CA10: variants seen among roughly 807,000 people sequenced by gnomAD.
The protein encoded by CA10 is carbonic anhydrase 10 (inactive).
CA10 carries 14 observed loss-of-function variants against 44.2 expected under a neutral mutation model. That is an observed-to-expected ratio of 0.32 (90% confidence interval 0.21 to 0.50). The LOEUF (loss-of-function observed/expected upper bound fraction) is 0.50, where lower values mean the gene tolerates loss of function less well. Ranked by LOEUF, CA10 falls within the 20% of genes least tolerant of loss-of-function variation. The pLI, the probability that CA10 is intolerant of heterozygous loss-of-function variation, is 0.99. For missense variants in CA10, 350 were observed against 409.7 expected (o/e 0.85, Z 1.26); for synonymous variants, 159 against 141.6 (o/e 1.12, Z -0.87).
At chr17:52,153,248 C>T (rs1989740276) in intron 1 of CA10, among the ~76,000 whole-genome samples, 2 of 152,100 alleles carry the variant, frequency 1.3e-5, no homozygotes, top group African/African-American at 2.4e-5. Flanking sequence ...GGCTATATGA[C>T]ATCACATGGG....
chr17:52,053,663 A>T (rs1987140605), intron 2 of CA10, among the ~76,000 whole-genome samples: 1 of 152,118 alleles, frequency 6.6e-6, no homozygotes, highest in Non-Finnish European at 1.5e-5. Flanking sequence ...AAAGGCAGAG[A>T]TAGAAATTGA....
At chr17:51,706,767 G>A (rs547833880) in intron 4 of CA10, among the ~76,000 whole-genome samples, 2 of 152,238 alleles carry the variant, frequency 1.3e-5, no homozygotes, top group South Asian at 4.2e-4. Flanking sequence ...TAACACATAG[G>A]TTCCAGCTAC....
intron 2 of CA10, among the ~76,000 whole-genome samples, chr17:52,046,391 A>T (rs1392441641): frequency 6.6e-6 from 1 of 151,770 alleles, no homozygotes; most frequent in Non-Finnish European, 1.5e-5. Flanking sequence ...GGAATTTATC[A>T]CTAAGATTCT....
chr17:52,045,659 T>C lies in CA10; in HGVS notation c.136+26660A>G, dbSNP rs116177830. The stretch of plus-strand genomic sequence containing the variant: ...GAAATATGCAAATCCACAAGGATAA[T>C]TGGAGATTTCAACACACCTCATTAA... On this transcript the variant is annotated intron_variant, in intron 2 of 8. Transcript: ENST00000451037. Among the ~76,000 whole-genome samples, 1,422 of 152,066 alleles carry C rather than the reference T, an allele frequency of 9.4e-3. 22 individuals are homozygous for C. Among genetic ancestry groups the C allele is most frequent in the African/African-American group, 0.032 (1,343 of 41,546 alleles).
chr17:52,108,206 A>ATATATATATTT (rs1555566996), intron 1 of CA10, among the ~76,000 whole-genome samples: 3 of 32,942 alleles, frequency 9.1e-5, no homozygotes, highest in African/African-American at 3.4e-4. Flanking sequence ...ATATATATAT[A>ATATATATATTT]TATATATATA....
intron 3 of CA10, among the ~76,000 whole-genome samples, chr17:51,862,632 C>T (rs1226699732): frequency 4.6e-5 from 7 of 152,188 alleles, no homozygotes; most frequent in Non-Finnish European, 7.4e-5. Flanking sequence ...ATACCATAGA[C>T]TGAGTGGTTT....
chr17:51,853,872 T>C (rs1978917008), intron 3 of CA10, among the ~76,000 whole-genome samples: 1 of 152,174 alleles, frequency 6.6e-6, no homozygotes, highest in Non-Finnish European at 1.5e-5. Context: ...TCTGCCATGA[T>C]TGTAAGTTTC....
intron 3 of CA10, among the ~76,000 whole-genome samples, chr17:51,873,544 G>A (rs898723856): frequency 6.6e-6 from 1 of 152,116 alleles, no homozygotes; most frequent in Admixed American, 6.5e-5. Flanking sequence ...CCAATACAAC[G>A]TACTTGTTTG....
chr17:52,054,418 C>T (rs771955615), intron 2 of CA10, among the ~76,000 whole-genome samples: 3 of 152,086 alleles, frequency 2.0e-5, no homozygotes, highest in Admixed American at 1.3e-4. Flanking sequence ...TTATCAATGA[C>T]AATGCGTGCC....
At chr17:51,847,858 G>A (rs1322979185) in intron 3 of CA10, among the ~76,000 whole-genome samples, 1 of 152,150 alleles carries the variant, frequency 6.6e-6, no homozygotes, top group Admixed American at 6.5e-5. Flanking sequence ...CCTGAGACTT[G>A]TCTCCTCAAG....
intron 2 of CA10, among the ~76,000 whole-genome samples, chr17:52,006,797 T>C (rs938044253): frequency 1.1e-4 from 17 of 151,772 alleles, no homozygotes; most frequent in African/African-American, 2.2e-4. Flanking sequence ...AAAAATGTCA[T>C]TGTGATTCTT....
At chr17:52,154,779 T>C (rs1989770470) in intron 1 of CA10, among the ~76,000 whole-genome samples, 1 of 152,204 alleles carries the variant, frequency 6.6e-6, no homozygotes. Context: ...ATCTCACAAA[T>C]AAAAGACATA....
chr17:51,885,690 C>T (rs1434443845), intron 3 of CA10, among the ~76,000 whole-genome samples: 1 of 152,202 alleles, frequency 6.6e-6, no homozygotes, highest in East Asian at 1.9e-4. Context: ...CATGACAACA[C>T]AAATCTTCTC....
intron 3 of CA10, chr17:51,748,320 C>G: frequency 4.9e-6 from 1 of 205,942 alleles, no homozygotes; most frequent in Non-Finnish European, 8.6e-6. Flanking sequence ...CTGGTGTGTC[C>G]TGCCCTGCAA....
intron 3 of CA10, among the ~76,000 whole-genome samples, chr17:51,779,463 TG>T (rs1323966655): frequency 6.6e-6 from 1 of 152,234 alleles, no homozygotes; most frequent in East Asian, 1.9e-4. Context: ...GCTGGAAAAT[TG>T]GGGGAAAATA....
At position 51,847,518 on chromosome 17, in the gene CA10, G is replaced by A. The variant is rs561825850; in HGVS notation, c.279+83472C>T. On this transcript the variant is annotated intron_variant, in intron 3 of 8. Coordinates refer to ENST00000451037, the MANE Select transcript of CA10 (RefSeq NM_020178.5). ...TGGTCACTTGGGATATGATAATAAC[G>A]CATATCATCTAATTCCAAAATGCAC... 1.3e-3 allele frequency among the ~76,000 whole-genome samples: 194 copies of A among 152,154 alleles called. 1 individual carries two copies. Among genetic ancestry groups the A allele is most frequent in the African/African-American group, 3.6e-3 (149 of 41,508 alleles).
rs115827295 is a variant in CA10 at position 52,057,198 on chromosome 17, T to C, written c.136+15121A>G. ...CAACATGGGGTGTGAGCTACGTAGGTCGACTTATACACAGATTATTTTCAA... is the reference window on the plus strand; with the variant it reads ...CAACATGGGGTGTGAGCTACGTAGGCCGACTTATACACAGATTATTTTCAA... On this transcript the variant is annotated intron_variant, in intron 2 of 8. Coordinates refer to ENST00000451037, the MANE Select transcript of CA10 (RefSeq NM_020178.5). Among the ~76,000 whole-genome samples the C allele has an allele frequency of 2.6e-5, 4 of 152,118 alleles. No homozygotes were observed. The East Asian group carries it at 7.7e-4, about 29-fold the overall frequency.
At chr17:51,779,590 C>A (rs913282700) in intron 3 of CA10, among the ~76,000 whole-genome samples, 25 of 152,238 alleles carry the variant, frequency 1.6e-4, no homozygotes, top group African/African-American at 6.0e-4. Flanking sequence ...AATGGACTTG[C>A]CATTTCAACC....
intron 4 of CA10, among the ~76,000 whole-genome samples, chr17:51,671,810 G>T (rs1914438847): frequency 1.3e-5 from 2 of 152,152 alleles, no homozygotes; most frequent in South Asian, 4.2e-4. Flanking sequence ...TCTCCTCCAT[G>T]CTGGCCTTCT....
Sources: gnomAD v4.1 joint callset for allele counts (sites outside exome capture counted in the v4.1 genomes callset) on GRCh38, gnomAD v4.1.1 for gene constraint, MANE v1.5 for transcripts, NCBI Gene and HGNC (gene_info 2026-07-23, HGNC 2026-07-21) for gene names.